Variants in STAG1 observed in about 807,000 individuals in gnomAD.
STAG1 encodes cohesin subunit SA-1.
STAG1 carries 26 observed loss-of-function variants against 170.9 expected under a neutral mutation model. The observed-to-expected ratio is 0.15, with a 90% CI of 0.11 to 0.21. The LOEUF (loss-of-function observed/expected upper bound fraction) is 0.21. Among genes scored for constraint, STAG1 ranks in the 10% least tolerant of loss-of-function variants. The probability of loss-of-function intolerance (pLI) is 1.00; values close to 1 mark genes in which losing one functional copy is unlikely to be tolerated. For missense variants in STAG1, 964 were observed against 1,509.5 expected (o/e 0.64, Z 5.99); for synonymous variants, 514 against 497.7 (o/e 1.03, Z -0.44).
chr3:136,510,934 C>T (rs149417375), intron 7 of STAG1, among the ~76,000 whole-genome samples: 10,024 of 151,914 alleles, frequency 0.066, 1,085 homozygotes, highest in African/African-American at 0.23. Context: ...CCACCATGCC[C>T]GGCTAATTTT....
intron 9 of STAG1, among the ~76,000 whole-genome samples, chr3:136,497,723 C>T (rs1933195388): frequency 6.6e-6 from 1 of 150,696 alleles, no homozygotes; most frequent in African/African-American, 2.4e-5. Flanking sequence ...GGCGTGGTGG[C>T]AGGCGCCTGT....
At chr3:136,509,561 T>A (rs1933945596) in intron 7 of STAG1, among the ~76,000 whole-genome samples, 2 of 152,018 alleles carry the variant, frequency 1.3e-5, no homozygotes, top group South Asian at 4.2e-4. Context: ...GATGTAATTA[T>A]AATAAAGAAT....
At chr3:136,673,991 T>C (rs1216832962) in intron 1 of STAG1, among the ~76,000 whole-genome samples, 1 of 150,888 alleles carries the variant, frequency 6.6e-6, no homozygotes, top group Non-Finnish European at 1.5e-5. Flanking sequence ...TAGTCCCAGT[T>C]ACCCAGGAGG....
intron 6 of STAG1, among the ~76,000 whole-genome samples, chr3:136,540,821 C>CAAAAAA (rs1425631397): frequency 1.8e-4 from 2 of 11,194 alleles, no homozygotes; most frequent in Non-Finnish European, 3.2e-4. Flanking sequence ...AACTGTGTCT[C>CAAAAAA]CAAAAAAAAA....
At chr3:136,356,180 G>A (rs1936646419) in intron 28 of STAG1, among the ~76,000 whole-genome samples, 1 of 151,426 alleles carries the variant, frequency 6.6e-6, no homozygotes, top group Non-Finnish European at 1.5e-5. Flanking sequence ...CGGAACCACT[G>A]AGCCTGGCCA....
intron 11 of STAG1, 56 bp from the exon 12 acceptor site, chr3:136,472,548 A>G (rs2089652471): frequency 8.0e-7 from 1 of 1,247,154 alleles, no homozygotes; most frequent in Admixed American, 1.7e-5. Context: ...AAGCTGGGAC[A>G]GATCTAATAT....
intron 4 of STAG1, among the ~76,000 whole-genome samples, chr3:136,600,871 T>G (rs1468337265): frequency 2.0e-3 from 2 of 996 alleles, no homozygotes; most frequent in Non-Finnish European, 4.2e-3. Context: ...TGTTTGTTTG[T>G]TTTGTTTTGT....
intron 22 of STAG1, among the ~76,000 whole-genome samples, chr3:136,383,098 G>A (rs774055705): frequency 4.6e-5 from 7 of 152,130 alleles, no homozygotes; most frequent in Non-Finnish European, 1.0e-4. Flanking sequence ...TCAAGTTGAG[G>A]AAGGCTGCCA....
chr3:136,563,680 GCATA>G (rs1484915853), intron 5 of STAG1, among the ~76,000 whole-genome samples: 1 of 148,430 alleles, frequency 6.7e-6, no homozygotes, highest in Non-Finnish European at 1.5e-5. Context: ...CAACAAAGTT[GCATA>G]CTGTAGATAT....
At chr3:136,750,944 C>T (rs1283233646) in intron 1 of STAG1, among the ~76,000 whole-genome samples, 1 of 152,188 alleles carries the variant, frequency 6.6e-6, no homozygotes, top group African/African-American at 2.4e-5. Context: ...AAGTGCTTCA[C>T]CATCGGAATG....
At chr3:136,415,390 G>C (rs753224088) in intron 21 of STAG1, among the ~76,000 whole-genome samples, 2 of 152,046 alleles carry the variant, frequency 1.3e-5, no homozygotes, top group Non-Finnish European at 2.9e-5. Flanking sequence ...ACAGTTTTAA[G>C]GTATCTTCAA....
At chr3:136,617,205 C>G (rs1939641697) in intron 3 of STAG1, among the ~76,000 whole-genome samples, 1 of 152,194 alleles carries the variant, frequency 6.6e-6, no homozygotes, top group Admixed American at 6.5e-5. Context: ...CTCCCTGGGC[C>G]TGGTCATTCA....
intron 12 of STAG1, 96 bp from the exon 13 acceptor site, chr3:136,465,084 G>C: frequency 1.3e-6 from 1 of 787,366 alleles, no homozygotes; most frequent in Non-Finnish European, 1.9e-6. Flanking sequence ...TAAAGCTCAA[G>C]ACTTAATAAT....
chr3:136,751,551 C>T (rs1416918384), intron 1 of STAG1, among the ~76,000 whole-genome samples: 1 of 152,136 alleles, frequency 6.6e-6, no homozygotes, highest in Non-Finnish European at 1.5e-5. Flanking sequence ...GCTGAGAGGG[C>T]AGATAGCTGG....
chr3:136,589,918 G>A (rs909171420), intron 4 of STAG1, among the ~76,000 whole-genome samples: 4 of 151,714 alleles, frequency 2.6e-5, no homozygotes, highest in East Asian at 2.0e-4. Context: ...GTAACAGAGC[G>A]AGATTCCATC....
intron 22 of STAG1, among the ~76,000 whole-genome samples, chr3:136,392,293 C>T (rs948627852): frequency 3.3e-5 from 5 of 151,584 alleles, no homozygotes; most frequent in South Asian, 4.1e-4. Flanking sequence ...TATCTAAGAG[C>T]GGAGAGAGGT....
intron 23 of STAG1, among the ~76,000 whole-genome samples, chr3:136,373,907 TTC>T (rs1321326024): frequency 2.6e-5 from 4 of 152,126 alleles, no homozygotes; most frequent in Admixed American, 6.6e-5. Context: ...CTTTTTAACT[TTC>T]TGTCTTGATC....
intron 21 of STAG1, among the ~76,000 whole-genome samples, chr3:136,400,998 GTC>G (rs759958166): frequency 1.3e-5 from 2 of 152,132 alleles, no homozygotes; most frequent in African/African-American, 4.8e-5. Flanking sequence ...AAAAAATCCA[GTC>G]TCACAAAGTA....
At chr3:136,659,863 G>C (rs1026956188) in intron 1 of STAG1, among the ~76,000 whole-genome samples, 1 of 152,098 alleles carries the variant, frequency 6.6e-6, no homozygotes, top group African/African-American at 2.4e-5. Flanking sequence ...TAATGAAAAG[G>C]TTGGTCCAAA....
Sources: gnomAD v4.1 joint callset for allele counts (sites outside exome capture counted in the v4.1 genomes callset) on GRCh38, gnomAD v4.1.1 for gene constraint, MANE v1.5 for transcripts, NCBI Gene and HGNC (gene_info 2026-07-23, HGNC 2026-07-21) for gene names.